MKLN1: variants seen among roughly 807,000 people sequenced by gnomAD.
The protein encoded by MKLN1 is muskelin.
A neutral mutation model predicts 99.0 loss-of-function variants in MKLN1; 18 were observed. That is an observed-to-expected ratio of 0.18 (90% confidence interval 0.13 to 0.27). The LOEUF (loss-of-function observed/expected upper bound fraction) is 0.27, where lower values mean the gene tolerates loss of function less well. Ranked by LOEUF, MKLN1 falls within the 10% of genes least tolerant of loss-of-function variation. The pLI is 1.00. For synonymous variants in MKLN1, 288 were observed against 293.2 expected (o/e 0.98, Z 0.18); for missense variants, 621 against 875.9 (o/e 0.71, Z 3.67).
intron 9 of MKLN1, among the ~76,000 whole-genome samples, 166 bp from the exon 10 acceptor site, chr7:131,437,619 A>G (rs970237428): frequency 6.6e-6 from 1 of 152,132 alleles, no homozygotes; most frequent in Admixed American, 6.5e-5. Flanking sequence ...TCCTTTAGAG[A>G]GTTAAGCCTA....
chr7:131,269,171 T>C (rs1373266973), intron 3 of MKLN1, among the ~76,000 whole-genome samples: 1 of 152,256 alleles, frequency 6.6e-6, no homozygotes, highest in Admixed American at 6.5e-5. Flanking sequence ...AAAGAATAAA[T>C]GTGTTATAAA....
chr7:131,383,029 G>A (rs548412529), intron 2 of MKLN1, among the ~76,000 whole-genome samples: 26 of 152,102 alleles, frequency 1.7e-4, no homozygotes, highest in African/African-American at 2.4e-4. Context: ...GGCCAGCTAC[G>A]GATATTTTAT....
At chr7:131,356,375 G>A (rs1023326018) in intron 1 of MKLN1, among the ~76,000 whole-genome samples, 4 of 152,074 alleles carry the variant, frequency 2.6e-5, no homozygotes, top group Non-Finnish European at 5.9e-5. Context: ...CACTCCTGGT[G>A]TGCATGTGGG....
intron 5 of MKLN1, 154 bp from the exon 6 acceptor site, chr7:131,399,087 A>G (rs894044855): frequency 6.3e-6 from 4 of 634,716 alleles, no homozygotes; most frequent in African/African-American, 1.9e-5. Context: ...AAAGAGCCAA[A>G]TAATGATACC....
chr7:131,485,544 A>G (rs1421455261), intron 17 of MKLN1, among the ~76,000 whole-genome samples: 1 of 152,096 alleles, frequency 6.6e-6, no homozygotes, highest in Admixed American at 6.5e-5. Flanking sequence ...GTAGAAAAGA[A>G]CACCTTTACC....
At chr7:131,322,537 AGAAAG>A (rs902526639) in intron 3 of MKLN1, among the ~76,000 whole-genome samples, 16 of 150,840 alleles carry the variant, frequency 1.1e-4, no homozygotes, top group Admixed American at 1.1e-3. Context: ...AGAGAAAGCC[AGAAAG>A]GGAACTGCCA....
chr7:131,315,961 G>A (rs1442702984), intron 3 of MKLN1, among the ~76,000 whole-genome samples: 1 of 152,216 alleles, frequency 6.6e-6, no homozygotes, highest in Non-Finnish European at 1.5e-5. Context: ...CCAGAGCACT[G>A]CGGAGGGGCT....
chr7:131,197,502 C>T (rs986748204), intron 2 of MKLN1, among the ~76,000 whole-genome samples: 4 of 151,456 alleles, frequency 2.6e-5, no homozygotes, highest in Non-Finnish European at 5.9e-5. Context: ...CCCACCTCAG[C>T]CTCCCAAAGT....
At position 131,413,577 on chromosome 7, in the gene MKLN1, G is replaced by A. The variant is rs75010061; in HGVS notation, c.782-1068G>A. Among the ~76,000 whole-genome samples, 17 of 151,174 alleles carry A rather than the reference G, an allele frequency of 1.1e-4. No homozygotes were observed. The East Asian group carries it at 1.7e-3, about 16-fold the overall frequency. ...TTTTTTGAGATGGAGTCTTACTCTC[G>A]TTGCCCAGCCGGAGTGCAGTGGTGC... On this transcript the variant is annotated intron_variant, in intron 7 of 17. Coordinates refer to ENST00000352689, the MANE Select transcript of MKLN1 (RefSeq NM_013255.5).
chr7:131,492,329 G>A lies in MKLN1; in HGVS notation c.*4601G>A, dbSNP rs1797445571. ...GAATTGACTTTAAACTTCTGAAATA[G>A]TTGAATATTAGAAGTGGCTTCAGTT... On this transcript the variant is annotated 3_prime_UTR_variant, in exon 18 of 18. Transcript: ENST00000352689. 6.6e-6 allele frequency: 1 copy of A among 152,120 alleles called. No homozygotes were observed. Among genetic ancestry groups the A allele is most frequent in the Non-Finnish European group, 1.5e-5 (1 of 68,026 alleles). 9.4% of individuals were successfully genotyped at this position (152,120 alleles called of 1,614,324 possible).
In MKLN1 at chr7:131,488,636, G is replaced by A. The variant is rs982539429; in HGVS notation, c.*908G>A. 3 of 152,426 alleles carry A rather than the reference G, an allele frequency of 2.0e-5. No homozygotes were observed. The highest frequency in any genetic ancestry group is 6.6e-5 in the Admixed American group (1 of 15,242). 9.4% of individuals were successfully genotyped at this position (152,426 alleles called of 1,614,324 possible). On this transcript the variant is annotated 3_prime_UTR_variant, in exon 18 of 18. Transcript: ENST00000352689. The stretch of plus-strand genomic sequence containing the variant: ...AGAGCTCTGCAGAACCAGGGCTCCC[G>A]TTTATCTTGTGCTATCTCTGTAGTA...
At chr7:131,235,850 G>A (rs904904590) in intron 3 of MKLN1, among the ~76,000 whole-genome samples, 14 of 152,114 alleles carry the variant, frequency 9.2e-5, no homozygotes, top group African/African-American at 2.9e-4. Flanking sequence ...ATTCTATGAC[G>A]TCCATTGCAG....
chr7:131,111,965 T>C (rs1256490017), intron 1 of MKLN1, among the ~76,000 whole-genome samples: 1 of 152,242 alleles, frequency 6.6e-6, no homozygotes, highest in African/African-American at 2.4e-5. Context: ...CTTTGTGTAC[T>C]AATTGTCTTT....
At chr7:131,329,101 A>C (rs1798989296) in intron 1 of MKLN1, among the ~76,000 whole-genome samples, 1 of 152,256 alleles carries the variant, frequency 6.6e-6, no homozygotes, top group Non-Finnish European at 1.5e-5. Flanking sequence ...TACTAAACAA[A>C]AAAGTGACTA....
At chr7:131,182,134 C>CA (rs201121852) in intron 2 of MKLN1, among the ~76,000 whole-genome samples, 27 of 149,922 alleles carry the variant, frequency 1.8e-4, no homozygotes, top group Non-Finnish European at 3.4e-4. Context: ...ACTCCATCTC[C>CA]AAAAAAAAAC....
At chr7:131,247,369 C>A (rs1275843924) in intron 3 of MKLN1, among the ~76,000 whole-genome samples, 1 of 151,870 alleles carries the variant, frequency 6.6e-6, no homozygotes, top group Non-Finnish European at 1.5e-5. Flanking sequence ...ACACGCACCA[C>A]CACGCCCAGC....
intron 3 of MKLN1, among the ~76,000 whole-genome samples, chr7:131,318,252 C>G (rs1177820034): frequency 1.3e-5 from 2 of 152,148 alleles, no homozygotes; most frequent in Non-Finnish European, 2.9e-5. Flanking sequence ...GAAATCATAA[C>G]AGTCTCTCAG....
chr7:131,148,595 C>T (rs1360325319), intron 2 of MKLN1, among the ~76,000 whole-genome samples: 10 of 151,930 alleles, frequency 6.6e-5, no homozygotes, highest in Non-Finnish European at 4.4e-5. Context: ...GGCAACATAG[C>T]GAGACCCTGT....
rs574328037 is a variant in MKLN1, at chr7:131,350,539, G to A, written c.98+22542G>A. ...GCTGTGGTTTCACCTAAAGGCTTGA[G>A]TGGGGAAAGATCTGCCTCTAAGCTT... On this transcript the variant is annotated intron_variant, in intron 1 of 17. Transcript: ENST00000352689. Among the ~76,000 whole-genome samples, 5 of 152,350 alleles carry A rather than the reference G, an allele frequency of 3.3e-5. No homozygotes were observed. In the South Asian group the frequency reaches 1.0e-3, roughly 32 times the overall value.
Sources: allele counts gnomAD v4.1 joint callset (sites outside exome capture counted in the v4.1 genomes callset), GRCh38; gene constraint gnomAD v4.1.1; transcripts MANE v1.5; gene names NCBI Gene and HGNC (gene_info 2026-07-23, HGNC 2026-07-21).